The following SLC26A1 variants were observed in gnomAD, a reference collection of about 807,000 sequenced individuals.
The protein encoded by SLC26A1 is solute carrier family 26 member 1, also known as sulfate anion transporter 1.
SLC26A1 carries 18 observed loss-of-function variants against 14.5 expected under a neutral mutation model. The observed-to-expected ratio is 1.24, with a 90% CI of 0.86 to 1.84. SLC26A1 has a LOEUF of 1.84. Ranked by LOEUF, SLC26A1 falls within the 40% of genes most tolerant of loss-of-function variation. The pLI is 0.00. For synonymous variants in SLC26A1, 505 were observed against 492.0 expected (o/e 1.03, Z -0.35); for missense variants, 1,049 against 1,020.0 (o/e 1.03, Z -0.39).
At chr4:980,485 C>T (rs566797925) in intron 2 of SLC26A1, among the ~76,000 whole-genome samples, 1 of 151,486 alleles carries the variant, frequency 6.6e-6, no homozygotes, top group Admixed American at 6.6e-5. Context: ...ACTTGGGAGG[C>T]TGAGGCAGGA....
rs147715228 is a variant in SLC26A1 at position 991,245 on chromosome 4, C to G, written c.459G>C (p.Leu153=). Residue 153 remains leucine (L), a synonymous_variant, in exon 2 of 3, where the codon CTG becomes CTC. Coordinates refer to ENST00000398516, the MANE Select transcript of SLC26A1 (RefSeq NM_022042.4). ...LAGFDPSQDG[L]QPGANSSTLN... ...GGGTGCTGCTGTTGGCTCCGGGCTG[C>G]AGGCCGTCCTGGGAGGGGTCAAAGC... 2 of 1,611,888 alleles carry G rather than the reference C, an allele frequency of 1.2e-6. No individual in the cohort carries two copies. Among genetic ancestry groups the G allele is most frequent in the African/African-American group, 1.3e-5 (1 of 75,054 alleles).
chr4:990,481 G>A (rs2153017451), intron 2 of SLC26A1, 119 bp from the exon 3 acceptor site: 2 of 1,012,316 alleles, frequency 2.0e-6, no homozygotes, highest in East Asian at 2.6e-5. Flanking sequence ...ATTCTGTGTT[G>A]CGGCCCCGTG....
chr4:987,293 G>GT, downstream of SLC26A1: 1 of 1,480,906 alleles, frequency 6.8e-7, no homozygotes, highest in East Asian at 2.7e-5. Flanking sequence ...GGAGAGCTCG[G>GT]GCGCCCCCTG....
intron 2 of SLC26A1, among the ~76,000 whole-genome samples, chr4:980,741 G>A (rs561335954): frequency 2.0e-5 from 3 of 151,956 alleles, no homozygotes; most frequent in South Asian, 2.1e-4. Flanking sequence ...CGCTGCAGAC[G>A]GGCCATTCTA....
chr4:990,576 G>A lies in SLC26A1; in HGVS notation c.577-214C>T. ...GCAGACAACTGTGACATCCACGTGAGCATCACACGTGCACACAGCTGGCCA... is the reference window on the plus strand; with the variant it reads ...GCAGACAACTGTGACATCCACGTGAACATCACACGTGCACACAGCTGGCCA... On this transcript the variant is annotated intron_variant, in intron 2 of 2. Transcript: ENST00000398516. 6.7e-6 allele frequency: 4 copies of A among 593,700 alleles called. No homozygotes were observed. The South Asian group carries it at 8.0e-5, about 12-fold the overall frequency. 36.8% of individuals were successfully genotyped at this position (593,700 alleles called of 1,614,324 possible). A position where few individuals can be genotyped will look rare whatever the true frequency, so the allele number is the denominator to read the frequency against.
In SLC26A1 at chr4:990,278, C is replaced by T. The variant is rs761749242; in HGVS notation, c.661G>A (p.Val221Met). 2.6e-5 allele frequency: 41 copies of T among 1,599,866 alleles called. No homozygotes were observed. Among genetic ancestry groups the T allele is most frequent in the South Asian group, 7.9e-5 (7 of 88,288 alleles). ...TTGAGCTGCGAGGTCAGGATGGTCA[C>T]GGAGGCCCCCATGGCAAAGCCATCG... ...LLDGFAMGAS[V>M]TILTSQLKHL... is the part of the protein sequence containing the mutation. Residue 221 changes from valine (V) to methionine (M), a missense_variant, in exon 3 of 3, where the codon GTG (valine) becomes ATG (methionine). Val to Met is a conservative substitution (Grantham distance 21, BLOSUM62 1). Transcript: ENST00000398516.
At chr4:979,461 A>G (rs748577884) in exon 3 of SLC26A1, 8 of 1,613,334 alleles carry the variant, frequency 5.0e-6, no homozygotes, top group Non-Finnish European at 6.8e-6. Flanking sequence ...CCTCTGTGTT[A>G]ATTGCCATGG....
At chr4:981,137 C>T (rs1229583670) in intron 2 of SLC26A1, among the ~76,000 whole-genome samples, 2 of 152,350 alleles carry the variant, frequency 1.3e-5, no homozygotes, top group East Asian at 3.9e-4. Context: ...AGTTCACCGC[C>T]ACCTCCAAGG....
chr4:979,431 AGAAGTTCCTGC>A lies in SLC26A1; in HGVS notation c.639_649del (p.Gln214GlyfsTer10), dbSNP rs1178388378. On this transcript the variant is annotated frameshift_variant, in exon 3 of 3. Coordinates refer to the SLC26A1 transcript ENST00000398520. LOFTEE classifies it high-confidence loss of function. ...TCAGCAAGATCTTTCCTCCTCTTCC[AGAAGTTCCTGC>A]GAGTCACTCCTCTGTGTTAATTGCC... 6.3e-7 allele frequency: 1 copy of A among 1,596,106 alleles called. No homozygotes were observed.
rs1713909173 is a variant in SLC26A1 at position 988,321 on chromosome 4, G to C, written c.*512C>G. On this transcript the variant is annotated 3_prime_UTR_variant, in exon 3 of 3. Coordinates refer to ENST00000398516, the MANE Select transcript of SLC26A1 (RefSeq NM_022042.4). ...CACCCTGGGCCCTGACGCTGGTGCAGGTGGCCACCCTGTGAGGGGGAGGCA... is the reference window on the plus strand; with the variant it reads ...CACCCTGGGCCCTGACGCTGGTGCACGTGGCCACCCTGTGAGGGGGAGGCA... 1 of 1,103,978 alleles carries C rather than the reference G, an allele frequency of 9.1e-7. No individual in the cohort carries two copies. Among genetic ancestry groups the C allele is most frequent in the East Asian group, 6.5e-5 (1 of 15,470 alleles). 68.4% of individuals were successfully genotyped at this position (1,103,978 alleles called of 1,614,324 possible).
At position 989,512 on chromosome 4, in the gene SLC26A1, C is replaced by T; in HGVS notation, c.1427G>A (p.Gly476Asp). 1.9e-6 allele frequency: 3 copies of T among 1,553,232 alleles called. No homozygotes were observed. Among genetic ancestry groups the T allele is most frequent in the Non-Finnish European group, 2.6e-6 (3 of 1,148,960 alleles). The part of the protein sequence containing the change: ...MSPADALVWA[G>D]TAATCMLVST... The stretch of plus-strand genomic sequence containing the variant: ...GACCAGCATACAGGTGGCCGCGGTG[C>T]CTGCCCAGACCAGCGCGTCAGCCGG... Residue 476 changes from glycine (G) to aspartate (D), a missense_variant, in exon 3 of 3, where the codon GGC (glycine) becomes GAC (aspartate). By Grantham distance (94) the Gly-to-Asp change is moderately conservative. Transcript: ENST00000398516.
In SLC26A1 at chr4:991,564, C is replaced by T. The variant is rs778314762; in HGVS notation, c.140G>A (p.Arg47Gln). 8.8e-5 allele frequency: 141 copies of T among 1,603,326 alleles called. No individual in the cohort carries two copies. Among genetic ancestry groups the T allele is most frequent in the Non-Finnish European group, 1.1e-4 (129 of 1,177,184 alleles). The part of the protein sequence containing the change: ...CSCSCSVLCV[R>Q]ALVQDLLPAT... ...GGGGAGCAGGTCCTGCACCAGCGCC[C>T]GGACGCACAGCACACTGCACGAGCA... Residue 47 changes from arginine (R) to glutamine (Q), a missense_variant, in exon 2 of 3, where the codon CGG becomes CAG. Arg to Gln is a conservative substitution (Grantham distance 43, BLOSUM62 1). Coordinates refer to ENST00000398516, the MANE Select transcript of SLC26A1 (RefSeq NM_022042.4).
intron 2 of SLC26A1, chr4:990,636 C>T (rs1206496775): frequency 5.9e-5 from 29 of 495,668 alleles, no homozygotes; most frequent in Non-Finnish European, 5.0e-5. Flanking sequence ...TGCAGCAGCC[C>T]GTTTTATTTC....
At chr4:991,056 G>A in intron 2 of SLC26A1, 72 bp downstream of exon 2, 5 of 1,417,622 alleles carry the variant, frequency 3.5e-6, no homozygotes, top group Non-Finnish European at 4.7e-6. Context: ...CCCCAGCCTT[G>A]CCCTCGTGGA....
rs1486511209 is a variant in SLC26A1 at position 988,973 on chromosome 4, T to A, written c.1966A>T (p.Ile656Phe). 2.5e-6 allele frequency: 4 copies of A among 1,596,880 alleles called. No homozygotes were observed. Among genetic ancestry groups the A allele is most frequent in the Non-Finnish European group, 3.4e-6 (4 of 1,172,386 alleles). Reference protein sequence around the residue: ...LACCSPPVRDILSRGGFLGEG... With the variant: ...LACCSPPVRDFLSRGGFLGEG... ...CCGAGGAAGCCTCCTCTGCTCAGAA[T>A]GTCTCTCACAGGCGGGCTGCAGCAG... is the stretch of plus-strand genomic sequence containing the variant. The change falls in exon 3 of 3, where the codon ATT (isoleucine) becomes TTT (phenylalanine). Residue 656 changes from isoleucine to phenylalanine, a missense_variant. By Grantham distance (21) the Ile-to-Phe change is conservative (BLOSUM62 0). Coordinates refer to ENST00000398516, the MANE Select transcript of SLC26A1 (RefSeq NM_022042.4).
chr4:992,152 C>T (rs563373984), intron 1 of SLC26A1: 1 of 470,712 alleles, frequency 2.1e-6, no homozygotes, highest in African/African-American at 2.0e-5. Flanking sequence ...TGCCTACCGT[C>T]AGAATGTCAC....
chr4:991,662 C>G lies in SLC26A1; in HGVS notation c.42G>C (p.Pro14=). The G allele has an allele frequency of 7.1e-6, 11 of 1,543,104 alleles. No homozygotes were observed. Among genetic ancestry groups the G allele is most frequent in the Non-Finnish European group, 9.6e-6 (11 of 1,151,372 alleles). Residue 14 remains proline (P), a synonymous_variant, in exon 2 of 3, where the codon CCG becomes CCC. Coordinates refer to ENST00000398516, the MANE Select transcript of SLC26A1 (RefSeq NM_022042.4). ...CTGGGCGCTGCCGTCGGACCGGCAC[C>G]GGCCCTCTGCCCTGCTGCAGAGGCT... ...SPEPLQQGRG[P]VPVRRQRPAP...
intron 2 of SLC26A1, among the ~76,000 whole-genome samples, chr4:981,077 G>A (rs1270031580): frequency 6.6e-6 from 1 of 152,310 alleles, no homozygotes; most frequent in East Asian, 1.9e-4. Context: ...ACGTCACGCA[G>A]ACACGGCCTC....
rs1416275484 is a variant in SLC26A1 at position 988,797 on chromosome 4, G to A, written c.*36C>T. ...TGCAGACGTCTGCTGTGGGTCCCCA[G>A]GAGGGAGCAGAGGCTGCTGGGCAGG... On this transcript the variant is annotated 3_prime_UTR_variant, in exon 3 of 3. Coordinates refer to ENST00000398516, the MANE Select transcript of SLC26A1 (RefSeq NM_022042.4). The A allele has an allele frequency of 1.3e-6, 2 of 1,507,800 alleles. No homozygotes were observed. Among genetic ancestry groups the A allele is most frequent in the Non-Finnish European group, 1.8e-6 (2 of 1,127,398 alleles). 93.4% of individuals were successfully genotyped at this position (1,507,800 alleles called of 1,614,324 possible). A position where few individuals can be genotyped will look rare whatever the true frequency, so the allele number is the denominator to read the frequency against.
Sources: allele counts gnomAD v4.1 joint callset (sites outside exome capture counted in the v4.1 genomes callset), GRCh38; gene constraint gnomAD v4.1.1; transcripts MANE v1.5; gene names NCBI Gene and HGNC (gene_info 2026-07-23, HGNC 2026-07-21).